The following CD163 variants were observed in gnomAD, a reference collection of about 807,000 sequenced individuals.
CD163 encodes CD163 molecule.
In CD163, 64 loss-of-function variants were observed where a neutral mutation model predicts 129.2. That is an observed-to-expected ratio of 0.50 (90% confidence interval 0.41 to 0.61). CD163 has a LOEUF of 0.61. Ranked by LOEUF, CD163 falls within the 20% of genes least tolerant of loss-of-function variation. CD163 has a pLI of 0.00. For synonymous variants in CD163, 446 were observed against 478.5 expected (o/e 0.93, Z 0.89); for missense variants, 1,061 against 1,377.9 (o/e 0.77, Z 3.64).
chr12:7,477,895 A>G (rs895381148), intron 16 of CD163, among the ~76,000 whole-genome samples: 7 of 152,228 alleles, frequency 4.6e-5, no homozygotes, highest in African/African-American at 1.7e-4. Context: ...GCTTCAGATT[A>G]TAAATCAAAT....
chr12:7,481,459 T>C (rs1043490526), intron 14 of CD163, among the ~76,000 whole-genome samples: 5 of 152,198 alleles, frequency 3.3e-5, no homozygotes, highest in East Asian at 1.9e-4. Context: ...CCCACTGCCA[T>C]TGTATTAATA....
chr12:7,486,734 GC>G lies in CD163; in HGVS notation c.2222del (p.Gly741AlafsTer10). ...GGTCCCAGCTGTCATCACAGATGGTGCCCCAGGAGCCCTCATGATAGATCTC... is the reference window on the plus strand; with the variant it reads ...GGTCCCAGCTGTCATCACAGATGGTGCCCAGGAGCCCTCATGATAGATCTC... ...RVEIYHEGSW[G>X]TICDDSWDLS... On this transcript the variant is annotated frameshift_variant, in exon 10 of 17. Coordinates refer to ENST00000432237, the MANE Select transcript of CD163 (RefSeq NM_203416.4). LOFTEE classifies it high-confidence loss of function. The G allele has an allele frequency of 6.2e-7, 1 of 1,614,184 alleles. No homozygotes were observed. Among genetic ancestry groups the G allele is most frequent in the Non-Finnish European group, 8.5e-7 (1 of 1,180,018 alleles).
intron 16 of CD163, among the ~76,000 whole-genome samples, chr12:7,473,873 G>A (rs1341775476): frequency 1.3e-5 from 2 of 151,992 alleles, no homozygotes; most frequent in Admixed American, 1.3e-4. Flanking sequence ...TAAAAGGATG[G>A]AGGAAAACAT....
At chr12:7,479,767 A>T in intron 16 of CD163, 93 bp downstream of exon 16, 1 of 1,306,410 alleles carries the variant, frequency 7.7e-7, no homozygotes, top group Non-Finnish European at 1.1e-6. Context: ...ATATGTTTAT[A>T]TACATTCTTT....
At chr12:7,495,473 T>G (rs1949387859) in intron 5 of CD163, 72 bp from the exon 6 acceptor site, 6 of 1,386,104 alleles carry the variant, frequency 4.3e-6, no homozygotes, top group Non-Finnish European at 6.0e-6. Context: ...TTTTTTGTCT[T>G]TTTTCTTCTC....
Position 7,486,560 on chromosome 12 carries a change from A to G in CD163, c.2397T>C (p.His799=), listed in dbSNP as rs749836728. 6.8e-6 allele frequency: 11 copies of G among 1,614,106 alleles called. No homozygotes were observed. The African/African-American group carries it at 1.5e-4, about 22-fold the overall frequency. Residue 799 remains histidine, a synonymous_variant, in exon 10 of 17, where the codon CAT becomes CAC. Coordinates refer to ENST00000432237, the MANE Select transcript of CD163 (RefSeq NM_203416.4). ...NGKESRIWQC[H]SHGWGQQNCR... ...AATTTTGCTGCCCCCAGCCGTGTGA[A>G]TGGCACTGCCAAATGCGGGATTCTT...
intron 16 of CD163, among the ~76,000 whole-genome samples, chr12:7,472,357 C>T (rs1458231186): frequency 6.6e-6 from 1 of 152,194 alleles, no homozygotes; most frequent in Non-Finnish European, 1.5e-5. Flanking sequence ...CCCTCTGGGA[C>T]GAAACTTCCA....
At chr12:7,479,796 G>C (rs1044962920) in intron 16 of CD163, 64 bp downstream of exon 16, 5 of 1,532,190 alleles carry the variant, frequency 3.3e-6, no homozygotes, top group Non-Finnish European at 4.4e-6. Context: ...TGCCAGAAGA[G>C]CTCTCAGTCC....
Position 7,487,991 on chromosome 12 carries a change from T to C in CD163, c.1517A>G (p.Asp506Gly), listed in dbSNP as rs760403083. Residue 506 changes from aspartate to glycine, a missense_variant, in exon 7 of 17, where the codon GAC becomes GGC. Physicochemically the swap from Asp to Gly is moderately conservative, Grantham distance 94. Coordinates refer to ENST00000432237, the MANE Select transcript of CD163 (RefSeq NM_203416.4). The surrounding 1 kb of genome is among the most constrained non-coding windows in gnomAD (Gnocchi z 5.1). ...GDTWGSICDSDFSLEAASVLC... is the reference protein window; with the variant it reads ...GDTWGSICDSGFSLEAASVLC... Reference sequence around the variant, plus strand: ...AACGCTGGCAGCTTCCAGAGAGAAGTCCGAATCACAGATGGAGCCCCACGT... The same window carrying C: ...AACGCTGGCAGCTTCCAGAGAGAAGCCCGAATCACAGATGGAGCCCCACGT... 6.2e-7 allele frequency: 1 copy of C among 1,614,112 alleles called. No individual in the cohort carries two copies. The highest frequency in any genetic ancestry group is 2.2e-5 in the East Asian group (1 of 44,856).
chr12:7,489,248 A>G (rs150642337), intron 6 of CD163, among the ~76,000 whole-genome samples: 55 of 152,274 alleles, frequency 3.6e-4, no homozygotes, highest in African/African-American at 1.3e-3. Flanking sequence ...CTTCTTCTGC[A>G]TATTTGTTGC....
intron 16 of CD163, among the ~76,000 whole-genome samples, chr12:7,477,831 C>T (rs1949108897): frequency 6.6e-6 from 1 of 152,148 alleles, no homozygotes; most frequent in South Asian, 2.1e-4. Flanking sequence ...AGTGATTACT[C>T]TTTCAGGGAA....
At chr12:7,491,111 A>G (rs543617222) in intron 6 of CD163, among the ~76,000 whole-genome samples, 217 of 152,148 alleles carry the variant, frequency 1.4e-3, no homozygotes, top group African/African-American at 4.6e-3. Context: ...CTTGAACAAA[A>G]TAAACCAAAA....
intron 16 of CD163, chr12:7,473,133 C>A (rs1391817075): frequency 6.6e-6 from 1 of 152,128 alleles, no homozygotes; most frequent in Non-Finnish European, 1.5e-5. Flanking sequence ...AGAATGGAAC[C>A]AAGTTGGAAA....
intron 16 of CD163, among the ~76,000 whole-genome samples, chr12:7,473,438 C>G (rs542255843): frequency 6.6e-6 from 1 of 152,054 alleles, no homozygotes; most frequent in Non-Finnish European, 1.5e-5. Flanking sequence ...ATAAAGGAAA[C>G]AATTTTCAAC....
intron 6 of CD163, among the ~76,000 whole-genome samples, chr12:7,490,863 T>A (rs1025655198): frequency 1.4e-4 from 22 of 151,930 alleles, no homozygotes; most frequent in Admixed American, 7.2e-4. Context: ...TAGCTCAGAG[T>A]TTAAAGCAAA....
intron 6 of CD163, among the ~76,000 whole-genome samples, chr12:7,491,333 G>T (rs1949324526): frequency 6.6e-6 from 1 of 151,996 alleles, no homozygotes; most frequent in African/African-American, 2.4e-5. Context: ...GAATCTGCTA[G>T]TAACATGTTA....
chr12:7,501,196 C>A lies in CD163; in HGVS notation c.400G>T (p.Gly134Ter). The A allele has an allele frequency of 6.2e-7, 1 of 1,614,204 alleles. No homozygotes were observed. The highest frequency in any genetic ancestry group is 8.5e-7 in the Non-Finnish European group (1 of 1,180,032). ...ESALWDCKHD[G>*]WGKHSNCTHQ... ...GTACAGTTACTATGCTTTCCCCATC[C>A]ATCATGTTTGCAATCCCAAAGAGCT... is the stretch of plus-strand genomic sequence containing the variant. The change falls in exon 3 of 17, where the codon GGA becomes TGA. Residue 134 changes from glycine (G) to a stop codon, truncating the protein, a stop_gained. Transcript: ENST00000432237. LOFTEE classifies it high-confidence loss of function.
At position 7,496,973 on chromosome 12, in the gene CD163, G is replaced by T; in HGVS notation, c.939C>A (p.Val313=). The T allele has an allele frequency of 6.2e-7, 1 of 1,614,066 alleles. No individual in the cohort carries two copies. ...TGGCGTTAACTCGACCAATGGCTGT[G>T]ACGGCAGTTGGACATCCCAGTTGCT... The part of the protein sequence containing the change: ...ACKQLGCPTA[V]TAIGRVNASK... Residue 313 remains valine, a synonymous_variant, in exon 5 of 17, where the codon GTC becomes GTA. Coordinates refer to ENST00000432237, the MANE Select transcript of CD163 (RefSeq NM_203416.4). This position sits in a 1 kb window ranked among gnomAD's most constrained non-coding sequence, Gnocchi z 4.8.
chr12:7,499,782 A>G (rs992994283), intron 3 of CD163, among the ~76,000 whole-genome samples: 4 of 152,182 alleles, frequency 2.6e-5, no homozygotes, highest in African/African-American at 4.8e-5. Context: ...AAGGAGGAGA[A>G]GGAGGAGAAG....
Sources: allele counts gnomAD v4.1 joint callset (sites outside exome capture counted in the v4.1 genomes callset), GRCh38; gene constraint gnomAD v4.1.1; non-coding constraint Gnocchi (gnomAD v3.1); transcripts MANE v1.5; gene names NCBI Gene and HGNC (gene_info 2026-07-23, HGNC 2026-07-21).